Variants in DYSF observed in about 807,000 individuals in gnomAD.
DYSF encodes dysferlin.
In DYSF, 212 loss-of-function variants were observed where a neutral mutation model predicts 274.9. The ratio of observed to expected loss-of-function variants is 0.77; its 90% CI spans 0.69 to 0.86. The LOEUF is 0.86. Ranked by LOEUF, DYSF falls within the 40% of genes least tolerant of loss-of-function variation. The probability of loss-of-function intolerance (pLI) is 0.00; values close to 1 mark genes in which losing one functional copy is unlikely to be tolerated. For synonymous variants in DYSF, 1,091 were observed against 1,078.7 expected (o/e 1.01, Z -0.22); for missense variants, 2,666 against 2,783.2 (o/e 0.96, Z 0.95).
chr2:71,601,626 G>C (rs1199490248), intron 35 of DYSF, 98 bp downstream of exon 35: 5 of 1,523,112 alleles, frequency 3.3e-6, no homozygotes, highest in Non-Finnish European at 3.6e-6. Context: ...GCATTACCGC[G>C]ATCCTGCCTC....
chr2:71,639,236 A>G (rs969222456), intron 41 of DYSF, among the ~76,000 whole-genome samples: 6 of 152,122 alleles, frequency 3.9e-5, no homozygotes, highest in African/African-American at 1.2e-4. Context: ...ATCCCTTATC[A>G]AATATATGAT....
chr2:71,602,054 A>G (rs1311859710), intron 35 of DYSF, among the ~76,000 whole-genome samples: 1 of 152,160 alleles, frequency 6.6e-6, no homozygotes, highest in Non-Finnish European at 1.5e-5. Flanking sequence ...TGTTCTTACC[A>G]AGACCTCATT....
intron 17 of DYSF, among the ~76,000 whole-genome samples, chr2:71,541,822 T>A (rs2152770710): frequency 6.6e-6 from 1 of 152,334 alleles, no homozygotes; most frequent in East Asian, 1.9e-4. Flanking sequence ...TCTGATGTGA[T>A]TCTTTCATAG....
chr2:71,618,412 G>GGCATGTGTGGTAGAGGTGGGGT (rs1558639998), intron 40 of DYSF, among the ~76,000 whole-genome samples: 6 of 6,398 alleles, frequency 9.4e-4, no homozygotes, highest in East Asian at 5.4e-3. Flanking sequence ...TGGTAGAGGT[G>GGCATGTGTGGTAGAGGTGGGGT]GTGTGTGTGT....
At chr2:71,563,982 G>A (rs1226976424) in intron 23 of DYSF, 76 bp from the exon 24 acceptor site, 13 of 1,600,408 alleles carry the variant, frequency 8.1e-6, no homozygotes, top group African/African-American at 1.3e-5. Flanking sequence ...TGAGTCAGAG[G>A]TCAGCTCACG....
chr2:71,634,325 A>G (rs879101251), intron 41 of DYSF, among the ~76,000 whole-genome samples: 8 of 152,240 alleles, frequency 5.3e-5, no homozygotes, highest in Admixed American at 5.2e-4. Context: ...TTGGAATGAG[A>G]AAACATACCA....
At position 71,502,079 on chromosome 2, in the gene DYSF, C is replaced by CTGTGTGTGTG. The variant is rs71402986; in HGVS notation, c.240-1101_240-1092dup. ...ACTTGTGATTTTTCTCTCCATGACT[C>CTGTGTGTGTG]TGTGTGTGTGTGTGTGTGTGTGTGT... On this transcript the variant is annotated intron_variant, in intron 3 of 55. Transcript: ENST00000410020. Among the ~76,000 whole-genome samples the CTGTGTGTGTG allele has an allele frequency of 3.9e-4, 56 of 143,916 alleles. 1 individual carries two copies. The highest frequency in any genetic ancestry group is 9.2e-4 in the African/African-American group (35 of 38,162). The allele number at this position is 143,916 out of a possible 152,430, so 94.4% of individuals were successfully genotyped here.
chr2:71,461,675 G>T (rs566500719), intron 1 of DYSF, among the ~76,000 whole-genome samples: 1 of 152,192 alleles, frequency 6.6e-6, no homozygotes, highest in Non-Finnish European at 1.5e-5. Flanking sequence ...GTGATGAGGC[G>T]ACTGACCAGC....
intron 37 of DYSF, 54 bp from the exon 38 acceptor site, chr2:71,611,411 C>A (rs1378731494): frequency 6.2e-7 from 1 of 1,613,862 alleles, no homozygotes; most frequent in East Asian, 2.2e-5. Context: ...CTGGCCCCAG[C>A]CTTTCCTGGG....
At chr2:71,587,700 C>T (rs1329751862) in intron 30 of DYSF, among the ~76,000 whole-genome samples, 1 of 152,160 alleles carries the variant, frequency 6.6e-6, no homozygotes, top group Non-Finnish European at 1.5e-5. Context: ...GCCACTTGCC[C>T]AAAGTCACAC....
chr2:71,607,211 G>A (rs1215459805), intron 36 of DYSF, among the ~76,000 whole-genome samples: 2 of 152,196 alleles, frequency 1.3e-5, no homozygotes, highest in Non-Finnish European at 2.9e-5. Context: ...AAGTACAGGA[G>A]GAGTAGGGGT....
chr2:71,569,932 G>T lies in DYSF; in HGVS notation c.2977G>T (p.Val993Leu). 1.2e-6 allele frequency: 2 copies of T among 1,613,850 alleles called. No individual in the cohort carries two copies. The highest frequency in any genetic ancestry group is 1.7e-6 in the Non-Finnish European group (2 of 1,179,832). The change falls in exon 27 of 56, where the codon GTG (valine) becomes TTG (leucine). Residue 993 changes from valine (V) to leucine (L), a missense_variant and splice_region_variant. By Grantham distance (32) the Val-to-Leu change is conservative. Transcript: ENST00000410020. Reference protein sequence around the residue: ...WIYMSDNYTDVNGEKVLPKDD... With the variant: ...WIYMSDNYTDLNGEKVLPKDD... ...CTACATGAGTGACAACTACACCGAT[G>T]TGGTAAAGCAGGCACTCAGGGGCAG... is the stretch of plus-strand genomic sequence containing the variant.
At position 71,470,938 on chromosome 2, in the gene DYSF, C is replaced by A. The variant is rs1157386047; in HGVS notation, c.91+4005C>A. Among the ~76,000 whole-genome samples the A allele has an allele frequency of 2.0e-5, 3 of 151,762 alleles. No individual in the cohort carries two copies. In the South Asian group the frequency reaches 6.2e-4, roughly 32 times the overall value. On this transcript the variant is annotated intron_variant, in intron 1 of 55. Transcript: ENST00000410020. ...TCCCGAGTAGCTGGGATTACAGGCACCTGCAACCATGCCTGGCTAATTTTT... is the reference window on the plus strand; with the variant it reads ...TCCCGAGTAGCTGGGATTACAGGCAACTGCAACCATGCCTGGCTAATTTTT...
rs543383824 is a variant in DYSF at position 71,478,806 on chromosome 2, C to G, written c.92-2077C>G. On this transcript the variant is annotated intron_variant, in intron 1 of 55. Transcript: ENST00000410020. The stretch of plus-strand genomic sequence containing the variant: ...TGCCTCCCTCCCTCCCTCAGATGGT[C>G]TTTTGCTCCCTCTCACGTGCTCTCT... 2.0e-5 allele frequency among the ~76,000 whole-genome samples: 3 copies of G among 152,208 alleles called. No homozygotes were observed. In the South Asian group the frequency reaches 6.2e-4, roughly 32 times the overall value.
At chr2:71,525,108 A>G (rs1453339241) in intron 12 of DYSF, among the ~76,000 whole-genome samples, 1 of 152,214 alleles carries the variant, frequency 6.6e-6, no homozygotes, top group East Asian at 1.9e-4. Flanking sequence ...AGTTGGAATC[A>G]TCTGGGAAGC....
intron 38 of DYSF, among the ~76,000 whole-genome samples, chr2:71,612,374 G>A (rs2093783403): frequency 1.3e-5 from 2 of 152,140 alleles, no homozygotes; most frequent in South Asian, 2.1e-4. Context: ...GTGAGGGAGC[G>A]CAGCCTCGTT....
In DYSF at chr2:71,516,242, G is replaced by A. The variant is rs771253287; in HGVS notation, c.951G>A (p.Thr317=). 5 of 1,613,922 alleles carry A rather than the reference G, an allele frequency of 3.1e-6. No homozygotes were observed. Among genetic ancestry groups the A allele is most frequent in the East Asian group, 2.2e-5 (1 of 44,876 alleles). ...GELFDEPIFI[T]VVDSRSLRTD... Reference sequence around the variant, plus strand: ...TGTTTGATGAGCCCATCTTTATCACGGTATGTCTCAGCAGTCAAAGTGTTC... The same window carrying A: ...TGTTTGATGAGCCCATCTTTATCACAGTATGTCTCAGCAGTCAAAGTGTTC... The change falls in exon 9 of 56, where the codon ACG becomes ACA. Residue 317 remains threonine, a splice_region_variant and synonymous_variant. Transcript: ENST00000410020.
chr2:71,576,077 G>A (rs778678748), intron 30 of DYSF, among the ~76,000 whole-genome samples: 1 of 152,206 alleles, frequency 6.6e-6, no homozygotes, highest in Non-Finnish European at 1.5e-5. Context: ...TGAAGTCTTC[G>A]GCATGACTGA....
intron 41 of DYSF, among the ~76,000 whole-genome samples, chr2:71,640,933 T>C (rs917884433): frequency 6.6e-6 from 1 of 152,174 alleles, no homozygotes; most frequent in Admixed American, 6.5e-5. Flanking sequence ...ATTGAGATCT[T>C]TTCCACTTTC....
Sources: allele counts gnomAD v4.1 joint callset (sites outside exome capture counted in the v4.1 genomes callset), GRCh38; gene constraint gnomAD v4.1.1; transcripts MANE v1.5; gene names NCBI Gene and HGNC (gene_info 2026-07-23, HGNC 2026-07-21).